The following RELN variants were observed in gnomAD, a reference collection of about 807,000 sequenced individuals.
The protein encoded by RELN is reelin.
A neutral mutation model predicts 427.6 loss-of-function variants in RELN; 108 were observed. That is an observed-to-expected ratio of 0.25 (90% confidence interval 0.22 to 0.30). RELN has a LOEUF of 0.30. Ranked by LOEUF, RELN falls within the 10% of genes least tolerant of loss-of-function variation. The pLI, the probability that RELN is intolerant of heterozygous loss-of-function variation, is 1.00. For missense variants in RELN, 3,715 were observed against 4,302.8 expected (o/e 0.86, Z 3.82); for synonymous variants, 1,524 against 1,513.4 (o/e 1.01, Z -0.16).
At chr7:103,973,104 G>GA (rs1563119020) in intron 1 of RELN, among the ~76,000 whole-genome samples, 1 of 152,198 alleles carries the variant, frequency 6.6e-6, no homozygotes, top group Non-Finnish European at 1.5e-5. Context: ...GTGCCCTGAA[G>GA]GTTTAAGTAA....
intron 43 of RELN, among the ~76,000 whole-genome samples, chr7:103,541,351 A>G (rs1004201829): frequency 2.6e-5 from 4 of 152,232 alleles, no homozygotes; most frequent in African/African-American, 9.6e-5. Context: ...CATACCCACT[A>G]ATGTATGCAT....
chr7:103,543,526 A>G (rs1444847906), intron 42 of RELN, among the ~76,000 whole-genome samples: 1 of 152,082 alleles, frequency 6.6e-6, no homozygotes, highest in African/African-American at 2.4e-5. Context: ...GGTGCCTGTC[A>G]TCTTGGCTAC....
intron 1 of RELN, among the ~76,000 whole-genome samples, chr7:103,978,108 A>C (rs1168122845): frequency 6.6e-6 from 1 of 152,226 alleles, no homozygotes; most frequent in Admixed American, 6.5e-5. Flanking sequence ...TTGAGATTAA[A>C]CATCTTGATA....
intron 1 of RELN, among the ~76,000 whole-genome samples, chr7:103,947,153 A>G (rs1456194997): frequency 6.6e-6 from 1 of 152,204 alleles, no homozygotes; most frequent in East Asian, 1.9e-4. Context: ...CTCATCATTC[A>G]AAAGTCTCAA....
chr7:103,630,266 G>T, intron 19 of RELN, 90 bp from the exon 20 acceptor site: 1 of 886,232 alleles, frequency 1.1e-6, no homozygotes, highest in Non-Finnish European at 1.8e-6. Context: ...CTGAAGTATA[G>T]TATTAAAGAA....
intron 2 of RELN, among the ~76,000 whole-genome samples, chr7:103,908,646 T>G (rs1469135913): frequency 1.3e-5 from 2 of 152,234 alleles, no homozygotes; most frequent in African/African-American, 2.4e-5. Context: ...ATATTTGTCA[T>G]GCTCACTATT....
intron 3 of RELN, among the ~76,000 whole-genome samples, chr7:103,828,469 T>C (rs969248162): frequency 3.9e-5 from 6 of 151,978 alleles, no homozygotes; most frequent in African/African-American, 1.4e-4. Context: ...TATTGCTTGG[T>C]TTTCATTCTG....
chr7:103,752,005 A>C (rs766263380), intron 5 of RELN, among the ~76,000 whole-genome samples: 12 of 152,230 alleles, frequency 7.9e-5, no homozygotes, highest in Non-Finnish European at 1.8e-4. Context: ...ATTAACGCTT[A>C]AAGATCACTT....
intron 1 of RELN, among the ~76,000 whole-genome samples, chr7:103,935,313 A>G (rs1358868100): frequency 6.6e-6 from 1 of 152,200 alleles, no homozygotes; most frequent in Non-Finnish European, 1.5e-5. Flanking sequence ...AGCTCTCACT[A>G]ACGTCACTAA....
intron 2 of RELN, among the ~76,000 whole-genome samples, chr7:103,882,895 C>G (rs1044696169): frequency 6.6e-6 from 1 of 152,134 alleles, no homozygotes; most frequent in African/African-American, 2.4e-5. Flanking sequence ...TAAAACTATT[C>G]CAACAAAAGA....
chr7:103,647,389 A>G (rs1429838186), intron 16 of RELN, among the ~76,000 whole-genome samples: 1 of 152,038 alleles, frequency 6.6e-6, no homozygotes, highest in Non-Finnish European at 1.5e-5. Context: ...ATGTACAAAA[A>G]TCAGGAACAT....
At chr7:103,769,283 C>T (rs1055540953) in intron 4 of RELN, among the ~76,000 whole-genome samples, 9 of 152,066 alleles carry the variant, frequency 5.9e-5, no homozygotes, top group Admixed American at 5.9e-4. Context: ...AAGGGTTGCT[C>T]CCCCTGTGAA....
At chr7:103,886,017 G>A (rs1229596212) in intron 2 of RELN, among the ~76,000 whole-genome samples, 1 of 151,956 alleles carries the variant, frequency 6.6e-6, no homozygotes, top group African/African-American at 2.4e-5. Flanking sequence ...TATTTGTAAC[G>A]GTGAAAGTAA....
chr7:103,473,548 G>T (rs1481691313), intron 64 of RELN, among the ~76,000 whole-genome samples: 2 of 152,088 alleles, frequency 1.3e-5, no homozygotes, highest in Non-Finnish European at 2.9e-5. Context: ...CTGAAAAGAG[G>T]TCATAAAATA....
intron 20 of RELN, among the ~76,000 whole-genome samples, chr7:103,614,520 A>G (rs1042120600): frequency 4.6e-5 from 7 of 152,242 alleles, no homozygotes; most frequent in Non-Finnish European, 7.3e-5. Flanking sequence ...AGGGGGCAGC[A>G]GCCATCTTGT....
At position 103,797,069 on chromosome 7, in the gene RELN, G is replaced by C. The variant is rs1270083176; in HGVS notation, c.474-20442C>G. 2.0e-5 allele frequency among the ~76,000 whole-genome samples: 3 copies of C among 151,778 alleles called. No individual in the cohort carries two copies. The East Asian group carries it at 5.8e-4, about 29-fold the overall frequency. ...TTTTACTCCTTTAAATGTTTTATTTGGGAGTCATTTTATTTTATTTATTTC... is the reference window on the plus strand; with the variant it reads ...TTTTACTCCTTTAAATGTTTTATTTCGGAGTCATTTTATTTTATTTATTTC... On this transcript the variant is annotated intron_variant, in intron 3 of 64. Coordinates refer to ENST00000428762, the MANE Select transcript of RELN (RefSeq NM_005045.4).
chr7:103,510,713 G>A, intron 51 of RELN, 138 bp downstream of exon 51: 1 of 708,406 alleles, frequency 1.4e-6, no homozygotes, highest in Non-Finnish European at 2.5e-6. Flanking sequence ...TAGTTGAGTT[G>A]TATATTAGTT....
At chr7:103,740,493 T>A (rs1790614756) in intron 6 of RELN, among the ~76,000 whole-genome samples, 1 of 152,244 alleles carries the variant, frequency 6.6e-6, no homozygotes, top group Non-Finnish European at 1.5e-5. Flanking sequence ...ACTGAACAGA[T>A]AGTACATTCA....
chr7:103,818,184 G>T (rs1792927036), intron 3 of RELN, among the ~76,000 whole-genome samples: 1 of 152,002 alleles, frequency 6.6e-6, no homozygotes. Flanking sequence ...AGACAAAGAG[G>T]CTCACTCACT....
Sources: allele counts gnomAD v4.1 joint callset (sites outside exome capture counted in the v4.1 genomes callset), GRCh38; gene constraint gnomAD v4.1.1; transcripts MANE v1.5; gene names NCBI Gene and HGNC (gene_info 2026-07-23, HGNC 2026-07-21).